Variants in PRIM2 observed in about 807,000 individuals in gnomAD.
PRIM2 encodes the protein DNA primase large subunit.
A neutral mutation model predicts 67.3 loss-of-function variants in PRIM2; 39 were observed. That is an observed-to-expected ratio of 0.58 (90% CI 0.45 to 0.76). PRIM2 has a LOEUF of 0.76. Among genes scored for constraint, PRIM2 ranks in the 30% least tolerant of loss-of-function variants. The probability of loss-of-function intolerance (pLI) is 0.00; values close to 1 mark genes in which losing one functional copy is unlikely to be tolerated. For missense variants in PRIM2, 398 were observed against 598.7 expected (o/e 0.66, Z 3.50); for synonymous variants, 143 against 198.7 (o/e 0.72, Z 2.36).
the PRIM2 span, among the ~76,000 whole-genome samples, chr6:57,224,012 T>A: frequency 6.6e-6 from 1 of 152,096 alleles, no homozygotes; most frequent in African/African-American, 2.4e-5. Context: ...CAAAAAAAAA[T>A]TTGTACAACC....
At chr6:57,556,264 G>A (rs1775511683) in intron 10 of PRIM2, among the ~76,000 whole-genome samples, 1 of 152,132 alleles carries the variant, frequency 6.6e-6, no homozygotes, top group East Asian at 1.9e-4. Flanking sequence ...AACTACCAAT[G>A]ACATTCTTCA....
At chr6:57,365,227 A>G (rs951842498) in intron 5 of PRIM2, among the ~76,000 whole-genome samples, 43 of 149,668 alleles carry the variant, frequency 2.9e-4, no homozygotes, top group Non-Finnish European at 5.8e-4. Context: ...GTCAGGAAAG[A>G]TGATTTTTAT....
the PRIM2 span, among the ~76,000 whole-genome samples, chr6:57,231,092 GTATACTATTGT>G: frequency 6.6e-6 from 1 of 152,184 alleles, no homozygotes; most frequent in Non-Finnish European, 1.5e-5. Flanking sequence ...AATGACTAGG[GTATACTATTGT>G]TATTTAGTGC....
chr6:57,374,375 G>A (rs62418003), intron 5 of PRIM2, among the ~76,000 whole-genome samples: 1 of 142,256 alleles, frequency 7.0e-6, no homozygotes, highest in Non-Finnish European at 1.5e-5. Context: ...CTCACTGCAA[G>A]CTCCGCCTCC....
intron 5 of PRIM2, among the ~76,000 whole-genome samples, chr6:57,352,426 A>T (rs2127301775): frequency 6.6e-6 from 1 of 152,114 alleles, no homozygotes; most frequent in South Asian, 2.1e-4. Flanking sequence ...TTTTTAGTAG[A>T]GATGGGGTTT....
chr6:57,266,148 T>C, the PRIM2 span, among the ~76,000 whole-genome samples: 1 of 152,194 alleles, frequency 6.6e-6, no homozygotes, highest in Non-Finnish European at 1.5e-5. Context: ...AATTTCCATT[T>C]TACTCTAAAT....
intron 12 of PRIM2, among the ~76,000 whole-genome samples, chr6:57,612,449 G>A (rs1434200034): frequency 2.6e-5 from 4 of 152,178 alleles, no homozygotes; most frequent in African/African-American, 7.2e-5. Context: ...AACATGTAAG[G>A]TTCTCAAATA....
Position 57,537,590 on chromosome 6 carries a change from C to T in PRIM2, c.985C>T (p.Gln329Ter). The stretch of plus-strand genomic sequence containing the variant: ...GGAACAGGCATTGCAGTTCTGGAAG[C>T]AAGAATTTATCAAAGGAAAGATGGA... Reference protein sequence around the residue: ...TLEQALQFWKQEFIKGKMDPD... With the variant: ...TLEQALQFWK The change falls in exon 10 of 14, where the codon CAA becomes TAA. Residue 329 changes from glutamine to a stop codon, truncating the protein, a stop_gained. Coordinates refer to ENST00000615550, the MANE Select transcript of PRIM2 (RefSeq NM_000947.5). LOFTEE classifies it high-confidence loss of function. The T allele has an allele frequency of 6.4e-7, 1 of 1,554,762 alleles. No individual in the cohort carries two copies. Among genetic ancestry groups the T allele is most frequent in the Non-Finnish European group, 8.7e-7 (1 of 1,148,976 alleles).
At chr6:57,558,992 A>G (rs1425628386) in intron 10 of PRIM2, among the ~76,000 whole-genome samples, 8 of 151,570 alleles carry the variant, frequency 5.3e-5, no homozygotes, top group African/African-American at 1.7e-4. Context: ...AGCTGGTGAT[A>G]CAGGTGTGGT....
At chr6:57,519,552 A>G (rs1774567806) in intron 8 of PRIM2, among the ~76,000 whole-genome samples, 1 of 152,198 alleles carries the variant, frequency 6.6e-6, no homozygotes, top group Admixed American at 6.5e-5. Flanking sequence ...CAGCGGTCAG[A>G]GTTTAAGGTT....
intron 10 of PRIM2, among the ~76,000 whole-genome samples, chr6:57,578,255 G>A (rs1775998892): frequency 2.0e-5 from 3 of 152,052 alleles, no homozygotes; most frequent in African/African-American, 7.2e-5. Flanking sequence ...TGGTTAAAGT[G>A]GTATCTGCTG....
intron 10 of PRIM2, among the ~76,000 whole-genome samples, chr6:57,573,602 C>T (rs1233946363): frequency 6.6e-5 from 10 of 152,040 alleles, no homozygotes; most frequent in African/African-American, 2.2e-4. Flanking sequence ...AAAGATCACT[C>T]ATATAAGCTT....
intron 10 of PRIM2, among the ~76,000 whole-genome samples, chr6:57,583,057 G>A (rs1179764936): frequency 0.01 from 1,509 of 149,598 alleles, 33 homozygotes; most frequent in South Asian, 0.073. Flanking sequence ...TTGTCCTTGC[G>A]ATGGTTTACT....
At chr6:57,562,472 C>A (rs1775653722) in intron 10 of PRIM2, among the ~76,000 whole-genome samples, 3 of 152,114 alleles carry the variant, frequency 2.0e-5, no homozygotes, top group Non-Finnish European at 4.4e-5. Flanking sequence ...TGATCTCATC[C>A]TTTTTTATGG....
At chr6:57,313,688 T>A (rs1198223022), upstream of PRIM2, among the ~76,000 whole-genome samples, 1 of 152,202 alleles carries the variant, frequency 6.6e-6, no homozygotes. Context: ...TTAGCTTTTA[T>A]GGGTCAGCTA....
chr6:57,528,991 T>A (rs1167244038), intron 8 of PRIM2, among the ~76,000 whole-genome samples: 1 of 152,208 alleles, frequency 6.6e-6, no homozygotes, highest in Non-Finnish European at 1.5e-5. Context: ...AAGTGACTTG[T>A]CCCAGTTTGC....
At position 57,438,568 on chromosome 6, in the gene PRIM2, A is replaced by T. The variant is rs543881210; in HGVS notation, c.693+56400A>T. Among the ~76,000 whole-genome samples, 192 of 152,338 alleles carry T rather than the reference A, an allele frequency of 1.3e-3. 5 individuals carry two copies. The East Asian group carries it at 0.016, about 13-fold the overall frequency. ...TTATATTACCTAAGCATTAAGGGAAATGGAATACATTTAAATACTCTTGGA... is the reference window on the plus strand; with the variant it reads ...TTATATTACCTAAGCATTAAGGGAATTGGAATACATTTAAATACTCTTGGA... On this transcript the variant is annotated intron_variant, in intron 7 of 13. Transcript: ENST00000615550.
At chr6:57,581,116 TC>T (rs1776077060) in intron 10 of PRIM2, among the ~76,000 whole-genome samples, 1 of 152,200 alleles carries the variant, frequency 6.6e-6, no homozygotes, top group African/African-American at 2.4e-5. Context: ...GCAGCTTCTC[TC>T]TAGATTAGCT....
At chr6:57,421,284 A>G (rs1771452341) in intron 7 of PRIM2, among the ~76,000 whole-genome samples, 1 of 152,242 alleles carries the variant, frequency 6.6e-6, no homozygotes, top group Admixed American at 6.5e-5. Flanking sequence ...ATTTTATTAG[A>G]CATATTTAGA....
Sources: allele counts gnomAD v4.1 joint callset (sites outside exome capture counted in the v4.1 genomes callset), GRCh38; gene constraint gnomAD v4.1.1; transcripts MANE v1.5; gene names NCBI Gene and HGNC (gene_info 2026-07-23, HGNC 2026-07-21).